Variants in PACRG observed in about 807,000 individuals in gnomAD.
The protein encoded by PACRG is parkin coregulated gene protein.
A neutral mutation model predicts 29.7 loss-of-function variants in PACRG; 29 were observed. The observed-to-expected ratio is 0.98, with a 90% CI of 0.73 to 1.33. PACRG has a LOEUF of 1.33. Ranked by LOEUF, PACRG falls within the 40% of genes most tolerant of loss-of-function variation. The pLI is 0.00. For synonymous variants in PACRG, 116 were observed against 118.7 expected (o/e 0.98, Z 0.15); for missense variants, 279 against 316.2 (o/e 0.88, Z 0.89).
At chr6:162,749,200 T>C (rs1385287657) in intron 1 of PACRG, among the ~76,000 whole-genome samples, 1 of 152,218 alleles carries the variant, frequency 6.6e-6, no homozygotes, top group African/African-American at 2.4e-5. Flanking sequence ...CAGTGCATGA[T>C]TGTTAAAAAC....
At chr6:162,913,836 A>G (rs1464965615) in intron 2 of PACRG, among the ~76,000 whole-genome samples, 1 of 152,090 alleles carries the variant, frequency 6.6e-6, no homozygotes, top group Non-Finnish European at 1.5e-5. Flanking sequence ...ATGTGCTTCT[A>G]TATCTTCTTT....
chr6:162,800,414 T>C (rs1785757475), intron 1 of PACRG, among the ~76,000 whole-genome samples: 1 of 152,196 alleles, frequency 6.6e-6, no homozygotes, highest in Admixed American at 6.5e-5. Flanking sequence ...AATTGTAGAC[T>C]ATAGAGACAT....
At chr6:163,006,617 T>C (rs1562825065) in intron 2 of PACRG, among the ~76,000 whole-genome samples, 1 of 151,954 alleles carries the variant, frequency 6.6e-6, no homozygotes, top group East Asian at 1.9e-4. Flanking sequence ...ATTTTGGAGC[T>C]CTGTTATTAG....
At chr6:162,899,969 T>C (rs1327394527) in intron 2 of PACRG, among the ~76,000 whole-genome samples, 1 of 152,044 alleles carries the variant, frequency 6.6e-6, no homozygotes, top group African/African-American at 2.4e-5. Flanking sequence ...CCGCTGTGCA[T>C]GCAGAGGATG....
intron 2 of PACRG, among the ~76,000 whole-genome samples, chr6:162,828,194 T>C (rs981861869): frequency 6.6e-6 from 1 of 152,240 alleles, no homozygotes; most frequent in African/African-American, 2.4e-5. Flanking sequence ...TTTTAAATTT[T>C]CTTTACAGGT....
At position 163,269,995 on chromosome 6, in the gene PACRG, GAAA is replaced by G. The variant is rs1562350555; in HGVS notation, c.614-44831_614-44829del. Among the ~76,000 whole-genome samples, 13 of 107,258 alleles carry G rather than the reference GAAA, an allele frequency of 1.2e-4. 1 individual carries two copies. Among genetic ancestry groups the G allele is most frequent in the South Asian group, 1.1e-3 (3 of 2,840 alleles). The allele number at this position is 107,258 out of a possible 152,430, so 70.4% of individuals were successfully genotyped here. A position where few individuals can be genotyped will look rare whatever the true frequency, so the allele number is the denominator to read the frequency against. ...AGAAAGAAAGAAAGAAAGAAAGAAA[GAAA>G]GAAAGAAAGGAGGGAGGGAGGGAGG... On this transcript the variant is annotated intron_variant, in intron 4 of 4. Coordinates refer to ENST00000366888, the MANE Select transcript of PACRG (RefSeq NM_001080379.2).
chr6:163,175,799 C>T (rs912600271), intron 4 of PACRG, among the ~76,000 whole-genome samples: 2 of 150,538 alleles, frequency 1.3e-5, no homozygotes, highest in South Asian at 4.2e-4. Flanking sequence ...TTCTCAGGCT[C>T]AATTTCCACT....
At chr6:163,110,331 A>G (rs1322199259) in intron 4 of PACRG, among the ~76,000 whole-genome samples, 1 of 152,244 alleles carries the variant, frequency 6.6e-6, no homozygotes, top group African/African-American at 2.4e-5. Context: ...TGAATATTTT[A>G]TATGTGCCAA....
At position 162,736,306 on chromosome 6, in the gene PACRG, A is replaced by G. The variant is rs537039736; in HGVS notation, c.156+7915A>G. On this transcript the variant is annotated intron_variant, in intron 1 of 4. Transcript: ENST00000366888. ...CAAATTGGATTTTGCCTGATATTAA[A>G]TTGTTGTAGTACATGTACGTAGACT... is the stretch of plus-strand genomic sequence containing the variant. 2.6e-5 allele frequency among the ~76,000 whole-genome samples: 4 copies of G among 152,332 alleles called. No individual in the cohort carries two copies. The South Asian group carries it at 8.3e-4, about 32-fold the overall frequency.
At chr6:163,282,261 A>G (rs975011299) in intron 4 of PACRG, among the ~76,000 whole-genome samples, 1 of 152,184 alleles carries the variant, frequency 6.6e-6, no homozygotes, top group Non-Finnish European at 1.5e-5. Context: ...TTCCCACCCC[A>G]CCAAGTAATT....
intron 2 of PACRG, among the ~76,000 whole-genome samples, chr6:162,850,560 T>C (rs1008879237): frequency 1.3e-5 from 2 of 152,088 alleles, no homozygotes; most frequent in Non-Finnish European, 2.9e-5. Context: ...TAATCAATCA[T>C]GACTATGTAA....
At chr6:163,236,561 T>A (rs1782246478) in intron 4 of PACRG, among the ~76,000 whole-genome samples, 1 of 148,392 alleles carries the variant, frequency 6.7e-6, no homozygotes, top group Non-Finnish European at 1.5e-5. Context: ...TATGACTGTG[T>A]TACACAAGAT....
At chr6:163,308,018 C>T (rs943604521) in intron 4 of PACRG, among the ~76,000 whole-genome samples, 1 of 152,198 alleles carries the variant, frequency 6.6e-6, no homozygotes. Context: ...AAATTCAGTC[C>T]AAGCTAACCC....
intron 4 of PACRG, among the ~76,000 whole-genome samples, chr6:163,260,933 CT>C (rs1232400317): frequency 1.3e-4 from 20 of 149,394 alleles, no homozygotes; most frequent in Admixed American, 3.3e-4. Flanking sequence ...ATCTAGGAAC[CT>C]TTTTTTTTTA....
At chr6:163,109,814 T>C (rs888601221) in intron 4 of PACRG, among the ~76,000 whole-genome samples, 3 of 152,236 alleles carry the variant, frequency 2.0e-5, no homozygotes, top group African/African-American at 7.2e-5. Flanking sequence ...GATGACTCTT[T>C]CTGTGGTACT....
intron 4 of PACRG, chr6:163,191,862 C>T: frequency 2.4e-6 from 1 of 424,558 alleles, no homozygotes; most frequent in Non-Finnish European, 4.8e-6. Flanking sequence ...AAAGCCACAC[C>T]CCGCCTGGTG....
intron 4 of PACRG, among the ~76,000 whole-genome samples, chr6:163,195,864 C>T (rs1780431260): frequency 6.6e-6 from 1 of 152,192 alleles, no homozygotes. Flanking sequence ...TGGGTGTCTC[C>T]GCTGGCTCCC....
At chr6:162,846,700 A>G (rs531627577) in intron 2 of PACRG, among the ~76,000 whole-genome samples, 1 of 152,262 alleles carries the variant, frequency 6.6e-6, no homozygotes, top group South Asian at 2.1e-4. Flanking sequence ...GCACCACCAT[A>G]TTTATCCCTA....
At chr6:162,916,406 A>G (rs1796697923) in intron 2 of PACRG, among the ~76,000 whole-genome samples, 1 of 152,174 alleles carries the variant, frequency 6.6e-6, no homozygotes, top group Non-Finnish European at 1.5e-5. Context: ...TTGAGATTCT[A>G]GAATCTATGA....
Sources: gnomAD v4.1 joint callset for allele counts (sites outside exome capture counted in the v4.1 genomes callset) on GRCh38, gnomAD v4.1.1 for gene constraint, MANE v1.5 for transcripts, NCBI Gene and HGNC (gene_info 2026-07-23, HGNC 2026-07-21) for gene names.